Variants in AHDC1 observed in about 807,000 individuals in gnomAD.
AHDC1 encodes the protein transcription factor Gibbin.
Under a neutral mutation model 87.9 loss-of-function variants are expected in AHDC1, and 7 were observed. The ratio of observed to expected loss-of-function variants is 0.08; its 90% CI spans 0.05 to 0.15. The LOEUF (loss-of-function observed/expected upper bound fraction) is 0.15. Ranked by LOEUF, AHDC1 falls within the 10% of genes least tolerant of loss-of-function variation. AHDC1 has a pLI of 1.00. For synonymous variants in AHDC1, 1,051 were observed against 1,006.8 expected, an observed-to-expected ratio of 1.04 and a Z score of -0.83; for missense variants, 1,841 against 2,253.2, an observed-to-expected ratio of 0.82 and a Z score of 3.70.
In AHDC1 at chr1:27,561,065, C is replaced by T. The variant is rs72655009; in HGVS notation, c.-628-2182G>A. Among the ~76,000 whole-genome samples, 535 of 152,300 alleles carry T rather than the reference C, an allele frequency of 3.5e-3. 1 individual carries two copies. Among genetic ancestry groups the T allele is most frequent in the Non-Finnish European group, 5.4e-3 (369 of 68,026 alleles). On this transcript the variant is annotated intron_variant, in intron 3 of 8. Transcript: ENST00000673934. This position sits in a 1 kb window ranked among gnomAD's most constrained non-coding sequence, Gnocchi z 4.2. ...GAGAATTCCAACCTGCCAGAGCCTC[C>T]CTCCTCTGATCTGTCCCCCCTTTCC...
chr1:27,537,057 AGGACT>A (rs2018673175), intron 8 of AHDC1, among the ~76,000 whole-genome samples: 2 of 152,124 alleles, frequency 1.3e-5, no homozygotes, highest in African/African-American at 4.8e-5. Context: ...CCCAGCTTTC[AGGACT>A]TGGCCAGCCA....
At chr1:27,588,926 C>T (rs1463773215) in intron 3 of AHDC1, among the ~76,000 whole-genome samples, 2 of 151,924 alleles carry the variant, frequency 1.3e-5, no homozygotes, top group African/African-American at 2.4e-5. Flanking sequence ...CAAGAGGGAA[C>T]ACATGAAGGA....
intron 8 of AHDC1, among the ~76,000 whole-genome samples, chr1:27,536,938 G>A (rs1218241124): frequency 4.0e-5 from 6 of 151,396 alleles, no homozygotes; most frequent in African/African-American, 7.3e-5. Flanking sequence ...CCCAGCAGGC[G>A]GCTCCTGCCA....
chr1:27,559,758 G>A (rs2019984410), intron 3 of AHDC1, among the ~76,000 whole-genome samples: 1 of 152,126 alleles, frequency 6.6e-6, no homozygotes, highest in African/African-American at 2.4e-5. Context: ...TAATAACCAT[G>A]GCCCTCCTCA....
Position 27,550,710 on chromosome 1 carries a change from C to T in AHDC1, c.1406G>A (p.Arg469Gln), listed in dbSNP as rs1030513662. The change falls in exon 8 of 9, where the codon CGG becomes CAG. Residue 469 changes from arginine (R) to glutamine (Q), a missense_variant. Coordinates refer to ENST00000673934, the MANE Select transcript of AHDC1 (RefSeq NM_001371928.1). ...CTTCACCACCATGCGCCGCACGCCCCGGCACTTGCCTTTGCGGGTAGAGAC... is the reference window on the plus strand; with the variant it reads ...CTTCACCACCATGCGCCGCACGCCCTGGCACTTGCCTTTGCGGGTAGAGAC... Reference protein sequence around the residue: ...PVVSTRKGKCRGVRRMVVKMA... With the variant: ...PVVSTRKGKCQGVRRMVVKMA... The T allele has an allele frequency of 9.3e-6, 15 of 1,606,784 alleles. No individual in the cohort carries two copies. The highest frequency in any genetic ancestry group is 1.6e-4 in the Middle Eastern group (1 of 6,082).
At chr1:27,537,108 G>A (rs971882994) in intron 8 of AHDC1, among the ~76,000 whole-genome samples, 1 of 152,156 alleles carries the variant, frequency 6.6e-6, no homozygotes, top group Non-Finnish European at 1.5e-5. Context: ...GGGAAGGAGC[G>A]GGGGAGGGGG....
intron 3 of AHDC1, among the ~76,000 whole-genome samples, chr1:27,586,090 T>C (rs2089048420): frequency 6.6e-6 from 1 of 152,196 alleles, no homozygotes; most frequent in Non-Finnish European, 1.5e-5. Flanking sequence ...TGTTAAAAAC[T>C]GACCCCCAAC....
At chr1:27,576,703 G>A (rs944720284) in intron 3 of AHDC1, among the ~76,000 whole-genome samples, 2 of 152,172 alleles carry the variant, frequency 1.3e-5, no homozygotes, top group Non-Finnish European at 2.9e-5. Flanking sequence ...AGTCCCTGGG[G>A]ACCCCTTCTG....
At chr1:27,602,541 C>T (rs995207695) in intron 3 of AHDC1, among the ~76,000 whole-genome samples, 1 of 152,064 alleles carries the variant, frequency 6.6e-6, no homozygotes, top group Admixed American at 6.5e-5. Flanking sequence ...TGGCTCTGCC[C>T]GGGGACCCAG....
At chr1:27,539,533 C>T (rs2018810873) in intron 8 of AHDC1, among the ~76,000 whole-genome samples, 1 of 151,950 alleles carries the variant, frequency 6.6e-6, no homozygotes, top group South Asian at 2.1e-4. Context: ...GCAACCTCTG[C>T]CTACTGGGTT....
At position 27,551,501 on chromosome 1, in the gene AHDC1, C is replaced by T. The variant is rs2019561218; in HGVS notation, c.615G>A (p.Arg205=). The T allele has an allele frequency of 6.2e-7, 1 of 1,605,832 alleles. No individual in the cohort carries two copies. Among genetic ancestry groups the T allele is most frequent in the East Asian group, 2.2e-5 (1 of 44,758 alleles). The part of the protein sequence containing the change: ...HPLYEPEPEP[R]DSPQPGQGHS... Reference sequence around the variant, plus strand: ...GGCCTTGGCCAGGCTGGGGACTGTCCCTAGGCTCAGGCTCAGGCTCGTAGA... The same window carrying T: ...GGCCTTGGCCAGGCTGGGGACTGTCTCTAGGCTCAGGCTCAGGCTCGTAGA... The change falls in exon 8 of 9, where the codon AGG becomes AGA. Residue 205 remains arginine (R), a synonymous_variant. Coordinates refer to ENST00000673934, the MANE Select transcript of AHDC1 (RefSeq NM_001371928.1).
In AHDC1 at chr1:27,549,540, G is replaced by A; in HGVS notation, c.2576C>T (p.Ala859Val). ...SSDLLDFALS[A>V]SRPESRKASG... ...TGCCTTCCGGGACTCTGGGCGAGAG[G>A]CTGAGAGGGCAAAGTCCAAGAGATC... The change falls in exon 8 of 9, where the codon GCC becomes GTC. Residue 859 changes from alanine (A) to valine (V), a missense_variant. By Grantham distance (64) the Ala-to-Val change is moderately conservative. This residue lies in a region of AHDC1 where 378 missense variants were observed against 399.0 expected (regional missense o/e 0.95). Transcript: ENST00000673934. The A allele has an allele frequency of 6.2e-7, 1 of 1,613,264 alleles. No homozygotes were observed. Among genetic ancestry groups the A allele is most frequent in the Non-Finnish European group, 8.5e-7 (1 of 1,179,990 alleles).
chr1:27,580,479 A>G (rs984975071), intron 3 of AHDC1, among the ~76,000 whole-genome samples: 3 of 152,110 alleles, frequency 2.0e-5, no homozygotes, highest in African/African-American at 7.2e-5. Context: ...AAACCCTCCC[A>G]TACCTGTCCC....
At position 27,550,742 on chromosome 1, in the gene AHDC1, G is replaced by A. The variant is rs763955536; in HGVS notation, c.1374C>T (p.Thr458=). The change falls in exon 8 of 9, where the codon ACC becomes ACT. Residue 458 remains threonine (T), a synonymous_variant. Transcript: ENST00000673934. The part of the protein sequence containing the change: ...VPELKPESSQ[T]PVVSTRKGKC... The stretch of plus-strand genomic sequence containing the variant: ...TGCCTTTGCGGGTAGAGACCACTGG[G>A]GTCTGGGAAGATTCCGGCTTCAACT... The A allele has an allele frequency of 2.1e-5, 34 of 1,585,170 alleles. No homozygotes were observed. The African/African-American group carries it at 4.0e-4, about 19-fold the overall frequency.
At chr1:27,576,569 G>A (rs1379417716) in intron 3 of AHDC1, among the ~76,000 whole-genome samples, 1 of 152,160 alleles carries the variant, frequency 6.6e-6, no homozygotes, top group Non-Finnish European at 1.5e-5. Flanking sequence ...CCCACCAAAG[G>A]TCACACAATG....
chr1:27,556,140 C>T (rs1260229234), intron 5 of AHDC1, among the ~76,000 whole-genome samples: 2 of 152,052 alleles, frequency 1.3e-5, no homozygotes, highest in Non-Finnish European at 2.9e-5. Context: ...TGCACAGTGC[C>T]GGGAAGCGCC....
chr1:27,592,739 G>A (rs2089261206), intron 3 of AHDC1, among the ~76,000 whole-genome samples: 1 of 152,230 alleles, frequency 6.6e-6, no homozygotes, highest in Non-Finnish European at 1.5e-5. Context: ...CCGGAACGCA[G>A]GAGGCCCCTG....
chr1:27,540,716 C>T (rs1230813032), intron 8 of AHDC1, among the ~76,000 whole-genome samples: 1 of 152,036 alleles, frequency 6.6e-6, no homozygotes, highest in Admixed American at 6.6e-5. Context: ...GCCAGCCCTC[C>T]CAGAGCTCCC....
chr1:27,536,854 A>C (rs2018660158), intron 8 of AHDC1, among the ~76,000 whole-genome samples: 2 of 149,518 alleles, frequency 1.3e-5, no homozygotes, highest in South Asian at 2.1e-4. Context: ...AAATCCCTGC[A>C]CCCCCACCCC....
Sources: allele counts gnomAD v4.1 joint callset (sites outside exome capture counted in the v4.1 genomes callset), GRCh38; gene constraint gnomAD v4.1.1; regional missense constraint gnomAD v4.1.1; non-coding constraint Gnocchi (gnomAD v3.1); transcripts MANE v1.5; gene names NCBI Gene and HGNC (gene_info 2026-07-23, HGNC 2026-07-21).